TRERF1: variants seen among roughly 807,000 people sequenced by gnomAD.
TRERF1 encodes transcriptional-regulating factor 1.
A neutral mutation model predicts 122.9 loss-of-function variants in TRERF1; 27 were observed. The ratio of observed to expected loss-of-function variants is 0.22; its 90% CI spans 0.16 to 0.30. The LOEUF (loss-of-function observed/expected upper bound fraction) is 0.30. Among genes scored for constraint, TRERF1 ranks in the 10% least tolerant of loss-of-function variants. The probability of loss-of-function intolerance (pLI) is 1.00; values close to 1 mark genes in which losing one functional copy is unlikely to be tolerated. For missense variants in TRERF1, 1,248 were observed against 1,560.3 expected, an observed-to-expected ratio of 0.80 and a Z score of 3.37; for synonymous variants, 636 against 641.7, an observed-to-expected ratio of 0.99 and a Z score of 0.13.
At chr6:42,356,672 T>C (rs1329628812) in intron 3 of TRERF1, among the ~76,000 whole-genome samples, 1 of 152,186 alleles carries the variant, frequency 6.6e-6, no homozygotes, top group Non-Finnish European at 1.5e-5. Context: ...TCTCCCGGGT[T>C]CAAGCGATTC....
intron 15 of TRERF1, among the ~76,000 whole-genome samples, chr6:42,239,174 G>GGACTGTGCTGTAGGT (rs1399868534): frequency 1.3e-5 from 2 of 152,148 alleles, no homozygotes; most frequent in Non-Finnish European, 2.9e-5. Context: ...CCCCATCAAT[G>GGACTGTGCTGTAGGT]GACTGTGCTG....
intron 16 of TRERF1, among the ~76,000 whole-genome samples, chr6:42,235,802 T>C (rs1457333270): frequency 2.0e-5 from 3 of 152,204 alleles, no homozygotes; most frequent in African/African-American, 4.8e-5. Flanking sequence ...AATTATGTCA[T>C]AAAAGGATGA....
intron 3 of TRERF1, among the ~76,000 whole-genome samples, chr6:42,354,769 A>G (rs898615987): frequency 2.6e-5 from 4 of 152,196 alleles, no homozygotes; most frequent in Non-Finnish European, 4.4e-5. Flanking sequence ...TTGCATTTTA[A>G]TACCTCATAG....
chr6:42,255,095 A>G (rs1414764804), intron 12 of TRERF1, among the ~76,000 whole-genome samples, 169 bp from the exon 13 acceptor site: 1 of 152,192 alleles, frequency 6.6e-6, no homozygotes, highest in Non-Finnish European at 1.5e-5. Context: ...ATGTCTGTTC[A>G]GCAAATAAGA....
At chr6:42,348,228 G>A (rs1376010766) in intron 3 of TRERF1, among the ~76,000 whole-genome samples, 2 of 151,754 alleles carry the variant, frequency 1.3e-5, no homozygotes, top group Admixed American at 6.6e-5. Context: ...TACTTCCCTG[G>A]CTCTTTTTTT....
rs143705007 is a variant in TRERF1 at position 42,262,170 on chromosome 6, C to G, written c.1884+1150G>C. ...CCTGTTGCTGACCCCCAAGTCCTGA[C>G]GGCTTATGAGAATCTTCCCCCCAGT... On this transcript the variant is annotated intron_variant, in intron 8 of 17. Coordinates refer to ENST00000372922, the Ensembl canonical transcript of TRERF1. 1.3e-3 allele frequency among the ~76,000 whole-genome samples: 196 copies of G among 152,224 alleles called. 1 individual carries two copies. Among genetic ancestry groups the G allele is most frequent in the African/African-American group, 4.3e-3 (179 of 41,524 alleles).
At chr6:42,339,622 CA>C (rs1766865923) in intron 3 of TRERF1, among the ~76,000 whole-genome samples, 1 of 152,242 alleles carries the variant, frequency 6.6e-6, no homozygotes, top group Non-Finnish European at 1.5e-5. Flanking sequence ...GGATATTTCA[CA>C]AGTGTGTTTA....
chr6:42,284,949 T>C (rs1001207640), intron 4 of TRERF1, among the ~76,000 whole-genome samples: 1 of 152,220 alleles, frequency 6.6e-6, no homozygotes, highest in Non-Finnish European at 1.5e-5. Context: ...CTGAAAACAT[T>C]TTCTGAAGTA....
intron 2 of TRERF1, among the ~76,000 whole-genome samples, chr6:42,439,347 C>G (rs751101439): frequency 2.6e-5 from 4 of 152,200 alleles, no homozygotes; most frequent in Non-Finnish European, 4.4e-5. Context: ...CATCTGGCAA[C>G]TGTCTCTGAG....
At chr6:42,363,983 C>T (rs945419512) in intron 2 of TRERF1, among the ~76,000 whole-genome samples, 2 of 152,178 alleles carry the variant, frequency 1.3e-5, no homozygotes, top group South Asian at 2.1e-4. Context: ...CCCAGAGCAG[C>T]CTAAGTGATC....
rs753973705 is a variant in TRERF1 at position 42,259,588 on chromosome 6, C to T, written c.2020G>A (p.Ala674Thr). The stretch of plus-strand genomic sequence containing the variant: ...AGGGTGGCGCCCGAGTAGGAGGCAG[C>T]GGGGTTCGGGTTGTAGGAGGGCGGC... Residue 674 changes from alanine (A) to threonine (T), a missense_variant, in exon 9 of 18, where the codon GCT (alanine) becomes ACT (threonine). By Grantham distance (58) the Ala-to-Thr change is moderately conservative (BLOSUM62 0). Around this residue, in one of 5 missense-constraint regions of TRERF1, gnomAD observed 946 missense variants for 1,073.0 expected, o/e 0.88. Transcript: ENST00000372922. This position sits in a 1 kb window ranked among gnomAD's most constrained non-coding sequence, Gnocchi z 4.9. 1.2e-6 allele frequency: 2 copies of T among 1,613,770 alleles called. No homozygotes were observed. The highest frequency in any genetic ancestry group is 1.7e-6 in the Non-Finnish European group (2 of 1,179,892).
chr6:42,320,166 T>C (rs1763169620), intron 3 of TRERF1, among the ~76,000 whole-genome samples: 1 of 152,108 alleles, frequency 6.6e-6, no homozygotes, highest in Admixed American at 6.5e-5. Flanking sequence ...CCCAAAGTAC[T>C]GGGATTACAG....
At chr6:42,437,015 G>A (rs1785570732) in intron 2 of TRERF1, among the ~76,000 whole-genome samples, 1 of 151,972 alleles carries the variant, frequency 6.6e-6, no homozygotes, top group African/African-American at 2.4e-5. Flanking sequence ...AGAGACTGCA[G>A]AGCCCATGAC....
intron 3 of TRERF1, among the ~76,000 whole-genome samples, chr6:42,332,197 C>A (rs1214253396): frequency 6.6e-6 from 1 of 152,236 alleles, no homozygotes; most frequent in Non-Finnish European, 1.5e-5. Context: ...CCCACCTCGG[C>A]CTCCCAAAGT....
intron 9 of TRERF1, 53 bp from the exon 10 acceptor site, chr6:42,258,254 A>G: frequency 6.5e-7 from 1 of 1,548,288 alleles, no homozygotes; most frequent in Non-Finnish European, 8.9e-7. Flanking sequence ...ATGTTGAAAA[A>G]GACTAAAGCA....
intron 4 of TRERF1, among the ~76,000 whole-genome samples, chr6:42,278,556 T>C (rs1247825437): frequency 6.6e-6 from 1 of 152,196 alleles, no homozygotes; most frequent in Non-Finnish European, 1.5e-5. Context: ...CAACAGGCTC[T>C]GAGTGGGGCA....
At chr6:42,236,183 C>T (rs751275813) in intron 16 of TRERF1, 22 bp downstream of exon 16, 7 of 1,541,444 alleles carry the variant, frequency 4.5e-6, no homozygotes, top group South Asian at 1.3e-5. Flanking sequence ...CCCAGATCCC[C>T]AGACGACACA....
chr6:42,438,514 G>A (rs1317179657), intron 2 of TRERF1, among the ~76,000 whole-genome samples: 1 of 151,528 alleles, frequency 6.6e-6, no homozygotes, highest in African/African-American at 2.4e-5. Context: ...GGAGGCTGAG[G>A]CAGGAGAATT....
At chr6:42,436,300 C>T (rs958355809) in intron 2 of TRERF1, among the ~76,000 whole-genome samples, 1 of 151,536 alleles carries the variant, frequency 6.6e-6, no homozygotes, top group Non-Finnish European at 1.5e-5. Flanking sequence ...ACCCAGGAGG[C>T]GGAGTTTGTA....
Sources: gnomAD v4.1 joint callset for allele counts (sites outside exome capture counted in the v4.1 genomes callset) on GRCh38, gnomAD v4.1.1 for gene constraint, gnomAD v4.1.1 regional missense constraint, Gnocchi (gnomAD v3.1) non-coding constraint, MANE v1.5 for transcripts, NCBI Gene and HGNC (gene_info 2026-07-23, HGNC 2026-07-21) for gene names.